SRGAP3: variants seen among roughly 807,000 people sequenced by gnomAD.
The protein encoded by SRGAP3 is SLIT-ROBO Rho GTPase activating protein 3.
In SRGAP3, 39 loss-of-function variants were observed where a neutral mutation model predicts 121.1. That is an observed-to-expected ratio of 0.32 (90% CI 0.25 to 0.42). The LOEUF (loss-of-function observed/expected upper bound fraction) is 0.42. SRGAP3 is among the 10% of genes least tolerant of loss of function. The pLI, the probability that SRGAP3 is intolerant of heterozygous loss-of-function variation, is 1.00. For synonymous variants in SRGAP3, 601 were observed against 570.0 expected (o/e 1.05, Z -0.77); for missense variants, 1,213 against 1,470.6 (o/e 0.82, Z 2.86).
intron 1 of SRGAP3, among the ~76,000 whole-genome samples, chr3:9,229,897 T>A (rs1953135502): frequency 6.6e-6 from 1 of 152,224 alleles, no homozygotes; most frequent in African/African-American, 2.4e-5. Flanking sequence ...TTTCTCTGAA[T>A]GGTAACCTCG....
chr3:9,291,602 CCACACACA>C lies in SRGAP3; in HGVS notation n.442+34400_442+34407del, dbSNP rs71049786. 1.9e-3 allele frequency among the ~76,000 whole-genome samples: 283 copies of C among 147,024 alleles called. 1 individual carries two copies. The highest frequency in any genetic ancestry group is 3.5e-3 in the Middle Eastern group (1 of 284). On this transcript the variant is annotated intron_variant and non_coding_transcript_variant, in intron 3 of 3. Coordinates refer to the SRGAP3 transcript ENST00000490889. ...AAATGCATCCATTCATGCATCAACA[CCACACACA>C]CACACACACACACACACACACACAC...
intron 3 of SRGAP3, among the ~76,000 whole-genome samples, chr3:9,280,377 C>A (rs1226208841): frequency 6.6e-6 from 1 of 152,258 alleles, no homozygotes; most frequent in Non-Finnish European, 1.5e-5. Flanking sequence ...GCCGCCCCCA[C>A]GCACACACCA....
rs879414435 is a variant in SRGAP3 at position 9,299,428 on chromosome 3, C to T, written n.442+26582G>A. Among the ~76,000 whole-genome samples the T allele has an allele frequency of 2.0e-5, 3 of 151,876 alleles. No homozygotes were observed. The East Asian group carries it at 5.8e-4, about 29-fold the overall frequency. On this transcript the variant is annotated intron_variant and non_coding_transcript_variant, in intron 3 of 3. Coordinates refer to the SRGAP3 transcript ENST00000490889. ...ATAGTAGACATCCAGCCCCAACTAGCATCCCCATCCACCATGTTACTGCCA... is the reference window on the plus strand; with the variant it reads ...ATAGTAGACATCCAGCCCCAACTAGTATCCCCATCCACCATGTTACTGCCA...
intron 1 of SRGAP3, among the ~76,000 whole-genome samples, chr3:9,174,951 C>T (rs918229530): frequency 1.3e-4 from 20 of 152,110 alleles, no homozygotes; most frequent in Non-Finnish European, 1.0e-4. Flanking sequence ...ACCAGGGAGG[C>T]GTCATTCCGT....
At chr3:8,987,311 A>T (rs1041696537) in intron 21 of SRGAP3, among the ~76,000 whole-genome samples, 2 of 152,220 alleles carry the variant, frequency 1.3e-5, no homozygotes, top group African/African-American at 4.8e-5. Flanking sequence ...TGGCTTGGCC[A>T]TCGAGGGCAC....
chr3:9,070,492 A>G (rs1946649259), intron 4 of SRGAP3, among the ~76,000 whole-genome samples: 1 of 152,252 alleles, frequency 6.6e-6, no homozygotes, highest in Admixed American at 6.5e-5. Flanking sequence ...GCAAGTATCA[A>G]CACATATTTG....
intron 1 of SRGAP3, among the ~76,000 whole-genome samples, chr3:9,130,425 AAC>A (rs1949402487): frequency 6.6e-6 from 1 of 152,174 alleles, no homozygotes; most frequent in South Asian, 2.1e-4. Flanking sequence ...TTGTCATATC[AAC>A]ACACAGTCAT....
At chr3:9,030,917 GCTTGAGCTCATAGCTCTT>G (rs1944450542) in intron 12 of SRGAP3, among the ~76,000 whole-genome samples, 1 of 151,732 alleles carries the variant, frequency 6.6e-6, no homozygotes, top group Non-Finnish European at 1.5e-5. Context: ...AGCCTACTGT[GCTTGAGCTCATAGCTCTT>G]CTTGCTCTGA....
At chr3:9,241,850 G>A (rs1218152409) in intron 1 of SRGAP3, among the ~76,000 whole-genome samples, 1 of 152,056 alleles carries the variant, frequency 6.6e-6, no homozygotes, top group Non-Finnish European at 1.5e-5. Context: ...GCCAAGACGG[G>A]TGGATTGCTT....
chr3:9,261,108 G>A (rs1281107376), intron 3 of SRGAP3, among the ~76,000 whole-genome samples: 1 of 152,084 alleles, frequency 6.6e-6, no homozygotes, highest in Non-Finnish European at 1.5e-5. Context: ...GCAGAAGAGG[G>A]GCCTGTTAGA....
intron 1 of SRGAP3, among the ~76,000 whole-genome samples, chr3:9,244,440 C>A (rs80179834): frequency 1.0e-4 from 15 of 149,048 alleles, no homozygotes; most frequent in African/African-American, 9.8e-5. Flanking sequence ...GAATATGTAA[C>A]AAAAAAAAAA....
intron 3 of SRGAP3, among the ~76,000 whole-genome samples, chr3:9,290,055 G>A (rs529264810): frequency 2.0e-5 from 3 of 151,958 alleles, no homozygotes; most frequent in Non-Finnish European, 4.4e-5. Context: ...GGGTTGCAGC[G>A]AGCTGAGATT....
intron 1 of SRGAP3, among the ~76,000 whole-genome samples, chr3:9,165,567 C>G (rs896426550): frequency 1.3e-5 from 2 of 152,178 alleles, no homozygotes; most frequent in African/African-American, 4.8e-5. Flanking sequence ...CACGTCACCC[C>G]TCCTGCTTAA....
intron 1 of SRGAP3, among the ~76,000 whole-genome samples, chr3:9,351,610 T>C (rs2030157669): frequency 6.6e-6 from 1 of 152,212 alleles, no homozygotes; most frequent in Non-Finnish European, 1.5e-5. Flanking sequence ...TTTTAGTGAA[T>C]GCATGGACCG....
At chr3:9,351,046 C>T (rs963596619) in intron 1 of SRGAP3, among the ~76,000 whole-genome samples, 1 of 152,024 alleles carries the variant, frequency 6.6e-6, no homozygotes, top group East Asian at 1.9e-4. Context: ...TGTGGTCTTT[C>T]AACATGCAAG....
At chr3:9,032,806 A>C in intron 11 of SRGAP3, 54 bp from the exon 12 acceptor site, 1 of 1,511,512 alleles carries the variant, frequency 6.6e-7, no homozygotes, top group East Asian at 2.3e-5. Flanking sequence ...TAAACATACA[A>C]CTGGGAAAGA....
At chr3:9,007,325 C>T (rs1415020267) in intron 18 of SRGAP3, 4 of 152,150 alleles carry the variant, frequency 2.6e-5, no homozygotes, top group South Asian at 2.1e-4. Context: ...CTAAATTGTT[C>T]CTGCAATTTG....
chr3:9,280,377 C>T (rs1226208841), intron 3 of SRGAP3, among the ~76,000 whole-genome samples: 4 of 152,376 alleles, frequency 2.6e-5, no homozygotes, highest in Admixed American at 6.5e-5. Context: ...GCCGCCCCCA[C>T]GCACACACCA....
chr3:9,091,642 G>A (rs547915998), intron 3 of SRGAP3, among the ~76,000 whole-genome samples: 19 of 152,126 alleles, frequency 1.2e-4, no homozygotes, highest in Non-Finnish European at 2.2e-4. Flanking sequence ...GAAGGTCCAC[G>A]TACCCCTGAA....
Sources: allele counts gnomAD v4.1 joint callset (sites outside exome capture counted in the v4.1 genomes callset), GRCh38; gene constraint gnomAD v4.1.1; transcripts MANE v1.5; gene names NCBI Gene and HGNC (gene_info 2026-07-23, HGNC 2026-07-21).